LRRFIP1: variants seen among roughly 807,000 people sequenced by gnomAD.
LRRFIP1 encodes leucine-rich repeat flightless-interacting protein 1.
In LRRFIP1, 62 loss-of-function variants were observed where a neutral mutation model predicts 104.4. The observed-to-expected ratio is 0.59, with a 90% CI of 0.48 to 0.73. The LOEUF (loss-of-function observed/expected upper bound fraction) is 0.73. Among genes scored for constraint, LRRFIP1 ranks in the 30% least tolerant of loss-of-function variants. LRRFIP1 has a pLI of 0.00. For synonymous variants in LRRFIP1, 300 were observed against 299.0 expected, an observed-to-expected ratio of 1.00 and a Z score of -0.03; for missense variants, 796 against 824.5, an observed-to-expected ratio of 0.97 and a Z score of 0.42.
intron 1 of LRRFIP1, among the ~76,000 whole-genome samples, chr2:237,664,745 G>A (rs1414370197): frequency 6.6e-6 from 1 of 152,146 alleles, no homozygotes; most frequent in African/African-American, 2.4e-5. Context: ...ATCCTTCTCT[G>A]GTATAAAGAA....
chr2:237,779,600 T>C lies in LRRFIP1; in HGVS notation c.*68T>C. The C allele has an allele frequency of 7.1e-7, 1 of 1,406,536 alleles. No homozygotes were observed. Among genetic ancestry groups the C allele is most frequent in the Non-Finnish European group, 1.0e-6 (1 of 1,001,404 alleles). 87.1% of individuals were successfully genotyped at this position (1,406,536 alleles called of 1,614,324 possible). A position where few individuals can be genotyped will look rare whatever the true frequency, so the allele number is the denominator to read the frequency against. ...TTGTTTCATAGGCTTTTCTCTGTCC[T>C]ATCTGGGAGCGCTGCTTCTTCCCCT... On this transcript the variant is annotated 3_prime_UTR_variant, in exon 24 of 24. Coordinates refer to ENST00000308482, the MANE Select transcript of LRRFIP1 (RefSeq NM_001137550.2).
rs1179300841 is a variant in LRRFIP1, at chr2:237,769,951, T to C, written c.1468T>C (p.Leu490=). 5 of 1,603,280 alleles carry C rather than the reference T, an allele frequency of 3.1e-6. No homozygotes were observed. The African/African-American group carries it at 4.0e-5, about 13-fold the overall frequency. The change falls in exon 20 of 24, where the codon TTG becomes CTG. Residue 490 remains leucine (L), a synonymous_variant. Transcript: ENST00000308482. ...CTTTGTGATTTCTTTAGATATTAGGTTGAAAAAGCTGGTTGATGAACGGGA... is the reference window on the plus strand; with the variant it reads ...CTTTGTGATTTCTTTAGATATTAGGCTGAAAAAGCTGGTTGATGAACGGGA... ...STGDGTLDIR[L]KKLVDERECL...
intron 1 of LRRFIP1, among the ~76,000 whole-genome samples, chr2:237,704,622 T>A (rs1220983642): frequency 6.6e-6 from 1 of 152,234 alleles, no homozygotes; most frequent in Non-Finnish European, 1.5e-5. Flanking sequence ...AAGAATTGCC[T>A]GTAAGCTAAG....
At chr2:237,762,086 C>T (rs1227274108) in intron 19 of LRRFIP1, among the ~76,000 whole-genome samples, 3 of 152,202 alleles carry the variant, frequency 2.0e-5, no homozygotes, top group Non-Finnish European at 4.4e-5. Flanking sequence ...AAGCATCTTC[C>T]TTGAGACTGA....
At position 237,661,706 on chromosome 2, in the gene LRRFIP1, A is replaced by G. The variant is rs571689935; in HGVS notation, c.96+33966A>G. ...GGGGGACAGTTGTGTCCCTGGTGCA[A>G]CACGGGAGTGGGCACACATTCTCTG... On this transcript the variant is annotated intron_variant, in intron 1 of 23. Coordinates refer to ENST00000308482, the MANE Select transcript of LRRFIP1 (RefSeq NM_001137550.2). This position sits in a 1 kb window ranked among gnomAD's most constrained non-coding sequence, Gnocchi z 4.4. Among the ~76,000 whole-genome samples the G allele has an allele frequency of 2.6e-5, 4 of 152,324 alleles. No individual in the cohort carries two copies. Among genetic ancestry groups the G allele is most frequent in the African/African-American group, 7.2e-5 (3 of 41,580 alleles).
At chr2:237,652,134 C>T (rs1353613837) in intron 1 of LRRFIP1, among the ~76,000 whole-genome samples, 1 of 152,222 alleles carries the variant, frequency 6.6e-6, no homozygotes, top group African/African-American at 2.4e-5. Context: ...GCAGTGGCGC[C>T]CCCACTCTCT....
chr2:237,633,259 C>T (rs547750253), intron 1 of LRRFIP1, among the ~76,000 whole-genome samples: 23 of 152,304 alleles, frequency 1.5e-4, no homozygotes, highest in East Asian at 1.2e-3. Flanking sequence ...GTGTTCCAGA[C>T]GGATTTTTAC....
intron 11 of LRRFIP1, among the ~76,000 whole-genome samples, chr2:237,747,934 AAAAG>A (rs758457813): frequency 1.3e-5 from 2 of 152,164 alleles, no homozygotes; most frequent in Non-Finnish European, 2.9e-5. Context: ...AACAAACAAA[AAAAG>A]GAGAAAAAAA....
In LRRFIP1 at chr2:237,735,506, C is replaced by G; in HGVS notation, c.555+173C>G. On this transcript the variant is annotated intron_variant, in intron 10 of 23. Coordinates refer to ENST00000308482, the MANE Select transcript of LRRFIP1 (RefSeq NM_001137550.2). The surrounding 1 kb of genome is among the most constrained non-coding windows in gnomAD (Gnocchi z 4.6). ...AATGAAGGTCACAAATAATGTGAATCAGGAAACCTCTGGTTGTTGGTTTCA... is the reference window on the plus strand; with the variant it reads ...AATGAAGGTCACAAATAATGTGAATGAGGAAACCTCTGGTTGTTGGTTTCA... The G allele has an allele frequency of 1.7e-6, 1 of 585,474 alleles. No individual in the cohort carries two copies. The highest frequency in any genetic ancestry group is 2.9e-6 in the Non-Finnish European group (1 of 339,360). The allele number at this position is 585,474 out of a possible 1,614,324, so 36.3% of individuals were successfully genotyped here. A position where few individuals can be genotyped will look rare whatever the true frequency, so the allele number is the denominator to read the frequency against.
intron 1 of LRRFIP1, among the ~76,000 whole-genome samples, chr2:237,698,881 A>G (rs2093350855): frequency 6.6e-6 from 1 of 152,232 alleles, no homozygotes; most frequent in Non-Finnish European, 1.5e-5. Context: ...TAACTTCCTT[A>G]CTAGCCTGAA....
At chr2:237,687,970 C>G (rs2092497675) in intron 1 of LRRFIP1, among the ~76,000 whole-genome samples, 1 of 152,212 alleles carries the variant, frequency 6.6e-6, no homozygotes, top group South Asian at 2.1e-4. Context: ...CCCAAATTGG[C>G]TAACTGTTCT....
intron 1 of LRRFIP1, among the ~76,000 whole-genome samples, chr2:237,693,774 T>G (rs1253717493): frequency 6.6e-6 from 1 of 151,656 alleles, no homozygotes; most frequent in East Asian, 1.9e-4. Flanking sequence ...AAGGGAAGAG[T>G]AAACATTGAG....
At chr2:237,714,731 A>G (rs1044245507) in intron 3 of LRRFIP1, among the ~76,000 whole-genome samples, 2 of 152,264 alleles carry the variant, frequency 1.3e-5, no homozygotes, top group South Asian at 2.1e-4. Context: ...ATATAAAATG[A>G]ACCTGCCATT....
chr2:237,768,407 A>G (rs1176909603), intron 19 of LRRFIP1: 1 of 152,228 alleles, frequency 6.6e-6, no homozygotes, highest in East Asian at 1.9e-4. Flanking sequence ...AACAATAACA[A>G]TTGTACAATA....
At chr2:237,633,127 C>T (rs905365828) in intron 1 of LRRFIP1, among the ~76,000 whole-genome samples, 3 of 152,174 alleles carry the variant, frequency 2.0e-5, no homozygotes, top group African/African-American at 7.2e-5. Context: ...GAACAACATC[C>T]TGCCTCCAGT....
chr2:237,689,416 G>A (rs11891841), intron 1 of LRRFIP1, among the ~76,000 whole-genome samples: 63 of 152,302 alleles, frequency 4.1e-4, no homozygotes, highest in Admixed American at 2.5e-3. Context: ...ATCTAGAAGG[G>A]TGTCAGGATG....
Position 237,627,597 on chromosome 2 carries a change from G to C in LRRFIP1, c.-48G>C, listed in dbSNP as rs10192980. On this transcript the variant is annotated 5_prime_UTR_variant, in exon 1 of 24. Coordinates refer to ENST00000308482, the MANE Select transcript of LRRFIP1 (RefSeq NM_001137550.2). ...GGCCGGGGCCGGGCCGGGGCGGCGC[G>C]AGCGGCTGGAGCAACGGGCCCCGCG... The C allele has an allele frequency of 1.7e-3, 1,911 of 1,112,898 alleles. 40 individuals are homozygous for C. In the African/African-American group the frequency reaches 0.028, roughly 16 times the overall value. 68.9% of individuals were successfully genotyped at this position (1,112,898 alleles called of 1,614,324 possible).
intron 1 of LRRFIP1, among the ~76,000 whole-genome samples, chr2:237,686,512 T>C (rs2092380734): frequency 6.6e-6 from 1 of 152,208 alleles, no homozygotes; most frequent in Non-Finnish European, 1.5e-5. Flanking sequence ...TACCCACCCA[T>C]CATTTATAAG....
chr2:237,775,059 C>T (rs921547231), intron 23 of LRRFIP1, among the ~76,000 whole-genome samples: 1 of 152,268 alleles, frequency 6.6e-6, no homozygotes, highest in Non-Finnish European at 1.5e-5. Flanking sequence ...GGTTCAGGTG[C>T]TGGAGATGCA....
Sources: gnomAD v4.1 joint callset for allele counts (sites outside exome capture counted in the v4.1 genomes callset) on GRCh38, gnomAD v4.1.1 for gene constraint, Gnocchi (gnomAD v3.1) non-coding constraint, MANE v1.5 for transcripts, NCBI Gene and HGNC (gene_info 2026-07-23, HGNC 2026-07-21) for gene names.